ARNT2: variants seen among roughly 807,000 people sequenced by gnomAD.
ARNT2 encodes aryl hydrocarbon receptor nuclear translocator 2.
Under a neutral mutation model 91.7 loss-of-function variants are expected in ARNT2, and 36 were observed. That is an observed-to-expected ratio of 0.39 (90% confidence interval 0.30 to 0.52). The LOEUF is 0.52. Ranked by LOEUF, ARNT2 falls within the 20% of genes least tolerant of loss-of-function variation. ARNT2 has a pLI of 0.72. For missense variants in ARNT2, 775 were observed against 939.3 expected, an observed-to-expected ratio of 0.83 and a Z score of 2.29; for synonymous variants, 365 against 347.1, an observed-to-expected ratio of 1.05 and a Z score of -0.57.
In ARNT2 at chr15:80,437,546, G is replaced by A. The variant is rs115021335; in HGVS notation, c.32-13334G>A. Among the ~76,000 whole-genome samples, 1,029 of 152,316 alleles carry A rather than the reference G, an allele frequency of 6.8e-3. 15 individuals carry two copies. Among genetic ancestry groups the A allele is most frequent in the African/African-American group, 0.024 (1,000 of 41,564 alleles). ...ACAGTGTTGCCATGTGGATTTATGA[G>A]CCTGCTCAGGGCCTGCCACCTCTTT... On this transcript the variant is annotated intron_variant, in intron 1 of 18. Transcript: ENST00000303329.
intron 17 of ARNT2, among the ~76,000 whole-genome samples, chr15:80,582,222 G>T (rs1172564799): frequency 6.6e-6 from 1 of 151,822 alleles, no homozygotes; most frequent in South Asian, 2.1e-4. Flanking sequence ...GCAGGGCGCG[G>T]TGACTCACAT....
At chr15:80,500,603 T>C (rs1222321948) in intron 5 of ARNT2, among the ~76,000 whole-genome samples, 6 of 152,218 alleles carry the variant, frequency 3.9e-5, no homozygotes, top group African/African-American at 1.4e-4. Context: ...ACCAAAATAA[T>C]ACTTACAAAT....
chr15:80,589,151 G>A (rs548581706), intron 17 of ARNT2, among the ~76,000 whole-genome samples: 1 of 152,334 alleles, frequency 6.6e-6, no homozygotes, highest in South Asian at 2.1e-4. Context: ...GTGAGAAAGA[G>A]TAGTGTAAGA....
Position 80,475,179 on chromosome 15 carries a change from A to C in ARNT2, c.578A>C (p.Glu193Ala). 6.2e-7 allele frequency: 1 copy of C among 1,614,170 alleles called. No homozygotes were observed. The highest frequency in any genetic ancestry group is 1.1e-5 in the South Asian group (1 of 91,068). The change falls in exon 5 of 19, where the codon GAG (glutamate) becomes GCG (alanine). Residue 193 changes from glutamate to alanine, a missense_variant. Coordinates refer to ENST00000303329, the MANE Select transcript of ARNT2 (RefSeq NM_014862.4). ...GAACAGGTGCATCCTGATGACGTGG[A>C]GAAGCTGAGAGAGCAACTGTGCACC... is the stretch of plus-strand genomic sequence containing the variant. ...LYEQVHPDDV[E>A]KLREQLCTSE...
At chr15:80,453,387 G>T (rs770616779) in intron 2 of ARNT2, among the ~76,000 whole-genome samples, 9 of 152,184 alleles carry the variant, frequency 5.9e-5, no homozygotes, top group Non-Finnish European at 1.0e-4. Context: ...GAGGGAGGGG[G>T]CACACAAACC....
chr15:80,510,050 C>G (rs1487403578), intron 6 of ARNT2, among the ~76,000 whole-genome samples: 1 of 152,012 alleles, frequency 6.6e-6, no homozygotes, highest in Non-Finnish European at 1.5e-5. Flanking sequence ...AACCTGTGGA[C>G]AAAGAAGAAG....
chr15:80,447,803 A>T (rs1896328197), intron 1 of ARNT2, among the ~76,000 whole-genome samples: 1 of 152,232 alleles, frequency 6.6e-6, no homozygotes, highest in Admixed American at 6.5e-5. Flanking sequence ...AAAATATTTT[A>T]TCTTTAAAGT....
At chr15:80,495,121 C>T (rs1286761542) in intron 5 of ARNT2, among the ~76,000 whole-genome samples, 1 of 152,142 alleles carries the variant, frequency 6.6e-6, no homozygotes, top group Non-Finnish European at 1.5e-5. Flanking sequence ...TATTCCATGG[C>T]CACTGATTCT....
chr15:80,444,757 G>A (rs1457561401), intron 1 of ARNT2: 1 of 151,424 alleles, frequency 6.6e-6, no homozygotes, highest in Admixed American at 6.6e-5. Context: ...TGGTGTGTGT[G>A]TGGTGTGTCC....
At chr15:80,491,796 C>CTTTTTTTTT (rs58958624) in intron 5 of ARNT2, among the ~76,000 whole-genome samples, 2 of 67,590 alleles carry the variant, frequency 3.0e-5, no homozygotes, top group Non-Finnish European at 5.5e-5. Context: ...CAGGACAGGC[C>CTTTTTTTTT]TTTTTTTTTT....
Position 80,475,077 on chromosome 15 carries a change from G to T in ARNT2, c.476G>T (p.Arg159Leu), listed in dbSNP as rs762876354. Residue 159 changes from arginine to leucine, a missense_variant, in exon 5 of 19, where the codon CGA becomes CTA. Transcript: ENST00000303329. ...TTTGTGGTGGCTGCTGAGACAGGGC[G>T]AGTGATTTATGTGTCTGACTCCGTC... The part of the protein sequence containing the change: ...FLFVVAAETG[R>L]VIYVSDSVTP... The T allele has an allele frequency of 1.9e-6, 3 of 1,614,182 alleles. No homozygotes were observed. Among genetic ancestry groups the T allele is most frequent in the Non-Finnish European group, 2.5e-6 (3 of 1,180,042 alleles).
intron 1 of ARNT2, among the ~76,000 whole-genome samples, chr15:80,425,727 T>C (rs996545674): frequency 6.6e-6 from 1 of 151,802 alleles, no homozygotes; most frequent in Non-Finnish European, 1.5e-5. Context: ...GTTTTTTTTT[T>C]GTTGTTTGTT....
intron 8 of ARNT2, among the ~76,000 whole-genome samples, chr15:80,519,941 G>A (rs532996787): frequency 5.5e-4 from 79 of 144,402 alleles, no homozygotes; most frequent in Admixed American, 1.5e-3. Context: ...CTCATGCTCC[G>A]CCCGCTTTGG....
chr15:80,433,487 T>C (rs1335985023), intron 1 of ARNT2, among the ~76,000 whole-genome samples: 2 of 151,920 alleles, frequency 1.3e-5, no homozygotes, highest in Non-Finnish European at 1.5e-5. Flanking sequence ...GGTTTCACCA[T>C]GTTGTCCAGA....
chr15:80,574,287 C>T (rs1414403824), intron 13 of ARNT2, 67 bp downstream of exon 13: 3 of 1,478,222 alleles, frequency 2.0e-6, no homozygotes, highest in Non-Finnish European at 2.8e-6. Context: ...GGACTCAATT[C>T]AGCCCTGAGC....
intron 18 of ARNT2, among the ~76,000 whole-genome samples, chr15:80,593,392 A>G (rs1893316301): frequency 2.0e-5 from 3 of 152,224 alleles, no homozygotes; most frequent in Admixed American, 2.0e-4. Flanking sequence ...ACCTGCTGTC[A>G]CAACAGCTCC....
Position 80,404,455 on chromosome 15 carries a change from CG to C in ARNT2, c.-58del. The C allele has an allele frequency of 8.8e-7, 1 of 1,140,786 alleles. No homozygotes were observed. The highest frequency in any genetic ancestry group is 1.1e-6 in the Non-Finnish European group (1 of 907,344). The allele number at this position is 1,140,786 out of a possible 1,614,324, so 70.7% of individuals were successfully genotyped here. On this transcript the variant is annotated 5_prime_UTR_variant, in exon 1 of 19. Transcript: ENST00000303329. The surrounding 1 kb of genome is among the most constrained non-coding windows in gnomAD (Gnocchi z 5.5). ...TGACCGGGTCCCCGGGGCTGAGCGC[CG>C]GGCTCCGCGCCGCCCCTCCCGCGCC... is the stretch of plus-strand genomic sequence containing the variant.
At chr15:80,410,744 A>G (rs545966131) in intron 1 of ARNT2, among the ~76,000 whole-genome samples, 83 of 149,980 alleles carry the variant, frequency 5.5e-4, no homozygotes, top group African/African-American at 1.9e-3. Context: ...AGATCCAGCA[A>G]TCCATTCATT....
intron 12 of ARNT2, among the ~76,000 whole-genome samples, chr15:80,565,431 C>T (rs972275834): frequency 1.3e-5 from 2 of 152,140 alleles, no homozygotes; most frequent in Non-Finnish European, 2.9e-5. Context: ...GAGAAATCTC[C>T]AAACTGCTTT....
Sources: gnomAD v4.1 joint callset for allele counts (sites outside exome capture counted in the v4.1 genomes callset) on GRCh38, gnomAD v4.1.1 for gene constraint, Gnocchi (gnomAD v3.1) non-coding constraint, MANE v1.5 for transcripts, NCBI Gene and HGNC (gene_info 2026-07-23, HGNC 2026-07-21) for gene names.